The following RMC1 variants were observed in gnomAD, a reference collection of about 807,000 sequenced individuals.
RMC1 encodes regulator of MON1-CCZ1.
In RMC1, 44 loss-of-function variants were observed where a neutral mutation model predicts 95.5. The observed-to-expected ratio is 0.46, with a 90% CI of 0.36 to 0.59. The LOEUF (loss-of-function observed/expected upper bound fraction) is 0.59, where lower values mean the gene tolerates loss of function less well. RMC1 is among the 20% of genes least tolerant of loss of function. RMC1 has a pLI of 0.00. For missense variants in RMC1, 705 were observed against 819.6 expected (o/e 0.86, Z 1.71); for synonymous variants, 320 against 303.6 (o/e 1.05, Z -0.56).
chr18:23,530,069 C>T lies in RMC1; in HGVS notation c.1536C>T (p.His512=). The T allele has an allele frequency of 1.2e-6, 2 of 1,614,254 alleles. No individual in the cohort carries two copies. Among genetic ancestry groups the T allele is most frequent in the Non-Finnish European group, 1.7e-6 (2 of 1,180,038 alleles). The change falls in exon 17 of 20, where the codon CAC becomes CAT. Residue 512 remains histidine, a synonymous_variant. Transcript: ENST00000269221. ...TTGTTATCAAAACCCTTGTCCAGCA[C>T]AACCTCTTTTATATGCTGCATCAGT... ...HELVIKTLVQ[H]NLFYMLHQFL...
rs1244537001 is a variant in RMC1, at chr18:23,503,727, C to G, written c.102+7C>G. ...CGATGAGGCCAACAAGCAGGTCCGGCGCGCCCGCGCTTCCTCCCCCGCGCG... is the reference window on the plus strand; with the variant it reads ...CGATGAGGCCAACAAGCAGGTCCGGGGCGCCCGCGCTTCCTCCCCCGCGCG... On this transcript the variant is annotated splice_region_variant and intron_variant, in intron 1 of 19. Coordinates refer to ENST00000269221, the MANE Select transcript of RMC1 (RefSeq NM_013326.5). 2 of 1,583,380 alleles carry G rather than the reference C, an allele frequency of 1.3e-6. No homozygotes were observed. The highest frequency in any genetic ancestry group is 1.7e-6 in the Non-Finnish European group (2 of 1,166,226).
At chr18:23,514,745 C>G (rs1334505614) in intron 5 of RMC1, among the ~76,000 whole-genome samples, 1 of 151,984 alleles carries the variant, frequency 6.6e-6, no homozygotes, top group Non-Finnish European at 1.5e-5. Context: ...GAAAGTATAC[C>G]TTAAGGTTAC....
At chr18:23,528,891 T>G (rs1419358241) in intron 14 of RMC1, 5 of 295,064 alleles carry the variant, frequency 1.7e-5, no homozygotes, top group African/African-American at 6.7e-5. Context: ...CTGCTTTTTT[T>G]TTTTTGAGAC....
At chr18:23,504,134 T>C (rs303759) in intron 1 of RMC1, among the ~76,000 whole-genome samples, 152,365 of 152,390 alleles carry the variant, frequency 1, 76,170 homozygotes, top group Non-Finnish European at 1. Context: ...CGCGAACCGG[T>C]GTTAGAACTT....
intron 7 of RMC1, among the ~76,000 whole-genome samples, chr18:23,516,668 TAAAAC>T (rs2058014100): frequency 2.6e-5 from 4 of 152,248 alleles, no homozygotes; most frequent in South Asian, 2.1e-4. Context: ...TCTAGCCTGA[TAAAAC>T]AAGAACATTG....
At chr18:23,521,308 C>T (rs147963011) in intron 10 of RMC1, among the ~76,000 whole-genome samples, 8 of 152,282 alleles carry the variant, frequency 5.3e-5, no homozygotes, top group East Asian at 1.9e-4. Flanking sequence ...TTTGATTAGC[C>T]GTTGATGGTG....
Position 23,527,802 on chromosome 18 carries a change from T to A in RMC1, c.1197T>A (p.Ser399Arg). 1 of 1,613,926 alleles carries A rather than the reference T, an allele frequency of 6.2e-7. No individual in the cohort carries two copies. Among genetic ancestry groups the A allele is most frequent in the Non-Finnish European group, 8.5e-7 (1 of 1,179,864 alleles). Residue 399 changes from serine to arginine, a missense_variant, in exon 14 of 20, where the codon AGT becomes AGA. Coordinates refer to ENST00000269221, the MANE Select transcript of RMC1 (RefSeq NM_013326.5). The part of the protein sequence containing the change: ...VILSVCSQML[S>R]ESDRASLPVI... ...AACATTGTGCCTTTCCAGTGTTAAGTGAGTCAGACAGAGCATCGCTGCCCG... is the reference window on the plus strand; with the variant it reads ...AACATTGTGCCTTTCCAGTGTTAAGAGAGTCAGACAGAGCATCGCTGCCCG...
At chr18:23,531,428 C>G (rs1467440454) in intron 19 of RMC1, 197 bp from the exon 20 acceptor site, 2 of 1,148,618 alleles carry the variant, frequency 1.7e-6, no homozygotes, top group East Asian at 2.7e-5. Flanking sequence ...ACCATAAGGA[C>G]AGGTTAGATA....
chr18:23,504,338 C>T, intron 1 of RMC1, 33 bp from the exon 2 acceptor site: 1 of 1,598,114 alleles, frequency 6.3e-7, no homozygotes, highest in African/African-American at 1.3e-5. Flanking sequence ...TTTCAGAGTT[C>T]AGGCTGTTAA....
At chr18:23,529,081 G>C in intron 14 of RMC1, 98 bp from the exon 15 acceptor site, 1 of 1,508,350 alleles carries the variant, frequency 6.6e-7, no homozygotes, top group East Asian at 2.3e-5. Context: ...CTCATATCCT[G>C]GGTCCACATC....
rs768885449 is a variant in RMC1 at position 23,530,447 on chromosome 18, G to A, written c.1729G>A (p.Ala577Thr). 4 of 1,614,272 alleles carry A rather than the reference G, an allele frequency of 2.5e-6. No individual in the cohort carries two copies. The highest frequency in any genetic ancestry group is 1.7e-5 in the Admixed American group (1 of 60,036). ...TCTCCTTTCCAAACACCAAGTGTTA[G>A]CTGCCTTAAGGTTTATCCGGGGCAT... ...EVLLSKHQVL[A>T]ALRFIRGIGG... Residue 577 changes from alanine to threonine, a missense_variant, in exon 19 of 20, where the codon GCT (alanine) becomes ACT (threonine). Ala to Thr is a moderately conservative substitution (Grantham distance 58). Coordinates refer to ENST00000269221, the MANE Select transcript of RMC1 (RefSeq NM_013326.5).
chr18:23,510,668 G>A (rs2057829968), intron 5 of RMC1, among the ~76,000 whole-genome samples: 2 of 151,496 alleles, frequency 1.3e-5, no homozygotes, highest in Admixed American at 1.3e-4. Flanking sequence ...AGTGGGCAAA[G>A]GACATGAGCA....
intron 5 of RMC1, among the ~76,000 whole-genome samples, chr18:23,511,705 C>T (rs1643443592): frequency 7.1e-6 from 1 of 140,764 alleles, no homozygotes; most frequent in Admixed American, 7.1e-5. Context: ...ATATTTTATT[C>T]TGACTGGGTA....
chr18:23,521,497 A>C (rs1378501606), intron 10 of RMC1, among the ~76,000 whole-genome samples: 1 of 152,180 alleles, frequency 6.6e-6, no homozygotes, highest in Non-Finnish European at 1.5e-5. Context: ...AGTCACAGTA[A>C]GTGCTTCGGC....
At chr18:23,529,459 T>C in intron 15 of RMC1, 161 bp downstream of exon 15, 8 of 1,288,312 alleles carry the variant, frequency 6.2e-6, no homozygotes, top group Non-Finnish European at 8.5e-6. Context: ...CTTCTAATGC[T>C]GAGGCCTAAA....
intron 10 of RMC1, among the ~76,000 whole-genome samples, chr18:23,520,832 C>T (rs1294391506): frequency 6.6e-6 from 1 of 152,188 alleles, no homozygotes; most frequent in Non-Finnish European, 1.5e-5. Context: ...TCTCCTGCCT[C>T]AGCCTCCCAA....
intron 5 of RMC1, among the ~76,000 whole-genome samples, chr18:23,514,705 A>G (rs1313634542): frequency 6.6e-6 from 1 of 152,252 alleles, no homozygotes; most frequent in African/African-American, 2.4e-5. Flanking sequence ...GTAATCATTT[A>G]AAAGTCTGTC....
chr18:23,524,565 GGTGAATC>G, intron 12 of RMC1, 83 bp downstream of exon 12: 1 of 1,429,864 alleles, frequency 7.0e-7, no homozygotes, highest in East Asian at 2.3e-5. Flanking sequence ...ACGTTTTCAA[GGTGAATC>G]TCTTAGAAAT....
chr18:23,506,779 C>T (rs1340217834), intron 2 of RMC1, 191 bp from the exon 3 acceptor site: 2 of 483,118 alleles, frequency 4.1e-6, no homozygotes, highest in African/African-American at 4.0e-5. Flanking sequence ...CTGTAAGTTT[C>T]CCAGCAAGTT....
Sources: gnomAD v4.1 joint callset for allele counts (sites outside exome capture counted in the v4.1 genomes callset) on GRCh38, gnomAD v4.1.1 for gene constraint, MANE v1.5 for transcripts, NCBI Gene and HGNC (gene_info 2026-07-23, HGNC 2026-07-21) for gene names.